The following THAP6 variants were observed in gnomAD, a reference collection of about 807,000 sequenced individuals.
THAP6 encodes THAP domain containing 6, also known as THAP domain-containing protein 6.
THAP6 carries 13 observed loss-of-function variants against 20.0 expected under a neutral mutation model. The observed-to-expected ratio is 0.65, with a 90% CI of 0.42 to 1.03. The LOEUF is 1.03. Ranked by LOEUF, THAP6 falls within the 50% of genes least tolerant of loss-of-function variation. The pLI is 0.00. For synonymous variants in THAP6, 93 were observed against 92.2 expected (o/e 1.01, Z -0.05); for missense variants, 262 against 261.6 (o/e 1.00, Z -0.01).
chr4:75,514,380 C>A (rs1369854183), upstream of THAP6: 14 of 1,394,754 alleles, frequency 1.0e-5, no homozygotes, highest in African/African-American at 1.4e-5. Flanking sequence ...CCCTCCCAGC[C>A]CCAGCGGCCA....
intron 3 of THAP6, among the ~76,000 whole-genome samples, chr4:75,519,436 T>A (rs1578262126): frequency 6.6e-6 from 1 of 151,754 alleles, no homozygotes; most frequent in African/African-American, 2.4e-5. Flanking sequence ...CAGTAACTCA[T>A]CATCTAGCAT....
chr4:75,526,815 T>C (rs1002966132), intron 4 of THAP6, 145 bp from the exon 5 acceptor site: 3 of 1,258,574 alleles, frequency 2.4e-6, no homozygotes, highest in Non-Finnish European at 2.2e-6. Context: ...TACCCCCATC[T>C]TCTTCCTGTG....
chr4:75,515,302 C>A, intron 1 of THAP6, 131 bp from the exon 2 acceptor site: 1 of 737,462 alleles, frequency 1.4e-6, no homozygotes, highest in Non-Finnish European at 2.3e-6. Context: ...AGCAAAGCTG[C>A]AGGTGTTAGA....
chr4:75,531,549 T>A (rs1726680233), downstream of THAP6, among the ~76,000 whole-genome samples: 1 of 152,208 alleles, frequency 6.6e-6, no homozygotes, highest in Non-Finnish European at 1.5e-5. Flanking sequence ...TCAACACAGA[T>A]GACCTTCCAA....
At chr4:75,538,921 G>A (rs147319969) in intron 2 of THAP6, among the ~76,000 whole-genome samples, 440 of 152,314 alleles carry the variant, frequency 2.9e-3, no homozygotes, top group Middle Eastern at 0.024. Context: ...AACCACATGA[G>A]GGTCCATGAT....
At position 75,527,962 on chromosome 4, in the gene THAP6, T is replaced by G; in HGVS notation, c.*748T>G. On this transcript the variant is annotated 3_prime_UTR_variant, in exon 5 of 5. Coordinates refer to ENST00000311638, the MANE Select transcript of THAP6 (RefSeq NM_144721.6). ...CTCTGACAGATCTGAACACTTTGCT[T>G]CATGACTATTTCGTCATAAAGGTAT... 1.0e-6 allele frequency: 1 copy of G among 985,454 alleles called. No individual in the cohort carries two copies. The highest frequency in any genetic ancestry group is 1.2e-6 in the Non-Finnish European group (1 of 829,920). The allele number at this position is 985,454 out of a possible 1,614,324, so 61.0% of individuals were successfully genotyped here. A position where few individuals can be genotyped will look rare whatever the true frequency, so the allele number is the denominator to read the frequency against.
upstream of THAP6, chr4:75,514,254 G>C (rs368916977): frequency 4.3e-6 from 7 of 1,612,230 alleles, no homozygotes; most frequent in Non-Finnish European, 5.9e-6. Flanking sequence ...GCTCTTGACC[G>C]CTGGCGCCAT....
At chr4:75,533,869 G>A (rs192714075), downstream of THAP6, among the ~76,000 whole-genome samples, 36 of 151,828 alleles carry the variant, frequency 2.4e-4, no homozygotes, top group African/African-American at 6.3e-4. Context: ...CCATTAACTC[G>A]TCATTTACAT....
chr4:75,523,901 TTA>T (rs1292587321), intron 4 of THAP6, among the ~76,000 whole-genome samples: 1 of 152,190 alleles, frequency 6.6e-6, no homozygotes, highest in Non-Finnish European at 1.5e-5. Flanking sequence ...GTTTGAGGTC[TTA>T]GATTTAATTC....
chr4:75,521,621 T>C, intron 3 of THAP6, 115 bp from the exon 4 acceptor site: 2 of 1,153,208 alleles, frequency 1.7e-6, no homozygotes, highest in South Asian at 4.2e-5. Context: ...TTAAAAGCAA[T>C]TTCCATGAAA....
At chr4:75,521,144 A>T (rs1201020326) in intron 3 of THAP6, among the ~76,000 whole-genome samples, 1 of 148,656 alleles carries the variant, frequency 6.7e-6, no homozygotes, top group Admixed American at 6.7e-5. Context: ...TTTTTTTTGA[A>T]ATTCAGGCTT....
chr4:75,535,544 T>C (rs1462828966), intron 2 of THAP6, among the ~76,000 whole-genome samples: 2 of 152,222 alleles, frequency 1.3e-5, no homozygotes, highest in Admixed American at 6.5e-5. Flanking sequence ...TACTCTGTAA[T>C]CTAATGCTCT....
downstream of THAP6, among the ~76,000 whole-genome samples, chr4:75,532,301 T>C (rs1473867511): frequency 1.3e-5 from 2 of 152,224 alleles, no homozygotes; most frequent in East Asian, 1.9e-4. Context: ...TTCAAAATTA[T>C]CTCCTTTGAC....
chr4:75,521,933 T>A (rs1262526429), intron 4 of THAP6, 72 bp downstream of exon 4: 1 of 1,582,826 alleles, frequency 6.3e-7, no homozygotes. Flanking sequence ...ACAATCAAAT[T>A]TTTCAGAATC....
chr4:75,532,721 A>G (rs1469643812), downstream of THAP6, among the ~76,000 whole-genome samples: 3 of 152,148 alleles, frequency 2.0e-5, no homozygotes, highest in South Asian at 2.1e-4. Flanking sequence ...TGTGCACTCA[A>G]AGGCTCAACA....
Position 75,529,588 on chromosome 4 carries a change from G to A in THAP6, c.*2374G>A. 1.0e-6 allele frequency: 1 copy of A among 985,406 alleles called. No homozygotes were observed. Among genetic ancestry groups the A allele is most frequent in the Non-Finnish European group, 1.2e-6 (1 of 829,958 alleles). The allele number at this position is 985,406 out of a possible 1,614,324, so 61.0% of individuals were successfully genotyped here. ...CCAAACAAATGCCTAAACACAGTATGTATCTCAGTCCTCTGTTCCCAGAGA... is the reference window on the plus strand; with the variant it reads ...CCAAACAAATGCCTAAACACAGTATATATCTCAGTCCTCTGTTCCCAGAGA... On this transcript the variant is annotated 3_prime_UTR_variant, in exon 5 of 5. Transcript: ENST00000311638.
intron 3 of THAP6, among the ~76,000 whole-genome samples, chr4:75,547,162 C>T (rs890628748): frequency 1.3e-5 from 2 of 152,202 alleles, no homozygotes; most frequent in African/African-American, 4.8e-5. Context: ...CTTCTCCCTT[C>T]CCTCCTCCTC....
chr4:75,515,374 G>A lies in THAP6; in HGVS notation c.-20-59G>A. On this transcript the variant is annotated intron_variant, in intron 1 of 4. Transcript: ENST00000311638. ...GTGTTTCCTAAAACACCGGGAAAGG[G>A]AAAATATTCCCCTTCAGCTTTCCGG... 5 of 1,502,224 alleles carry A rather than the reference G, an allele frequency of 3.3e-6. No individual in the cohort carries two copies. In the South Asian group the frequency reaches 5.7e-5, roughly 17 times the overall value. 93.1% of individuals were successfully genotyped at this position (1,502,224 alleles called of 1,614,324 possible).
downstream of THAP6, among the ~76,000 whole-genome samples, chr4:75,530,520 A>G (rs6845472): frequency 0.25 from 37,352 of 152,154 alleles, 4,947 homozygotes; most frequent in African/African-American, 0.33. Context: ...AAGGCCTCCA[A>G]TTAACTAGTC....
Sources: gnomAD v4.1 joint callset for allele counts (sites outside exome capture counted in the v4.1 genomes callset) on GRCh38, gnomAD v4.1.1 for gene constraint, MANE v1.5 for transcripts, NCBI Gene and HGNC (gene_info 2026-07-23, HGNC 2026-07-21) for gene names.